NAALADL2: variants seen among roughly 807,000 people sequenced by gnomAD.
The protein encoded by NAALADL2 is N-acetylated alpha-linked acidic dipeptidase like 2, also known as inactive N-acetylated-alpha-linked acidic dipeptidase-like protein 2.
NAALADL2 carries 76 observed loss-of-function variants against 87.2 expected under a neutral mutation model. That is an observed-to-expected ratio of 0.87 (90% confidence interval 0.72 to 1.05). NAALADL2 has a LOEUF of 1.05. NAALADL2 is among the 50% of genes least tolerant of loss of function. The pLI is 0.00. For missense variants in NAALADL2, 1,089 were observed against 945.8 expected, an observed-to-expected ratio of 1.15 and a Z score of -1.99; for synonymous variants, 354 against 331.0, an observed-to-expected ratio of 1.07 and a Z score of -0.75.
At chr3:175,267,924 T>C (rs1752210227) in intron 4 of NAALADL2, among the ~76,000 whole-genome samples, 1 of 152,214 alleles carries the variant, frequency 6.6e-6, no homozygotes, top group Non-Finnish European at 1.5e-5. Context: ...AATGATAGTG[T>C]TGTCTTCATA....
intron 13 of NAALADL2, among the ~76,000 whole-genome samples, chr3:175,766,945 A>C (rs1295945069): frequency 6.6e-6 from 1 of 152,154 alleles, no homozygotes; most frequent in African/African-American, 2.4e-5. Flanking sequence ...TAGCATATTG[A>C]GATGAAACAC....
chr3:175,588,639 C>T (rs544216950), intron 10 of NAALADL2, among the ~76,000 whole-genome samples: 2 of 147,544 alleles, frequency 1.4e-5, no homozygotes, highest in Non-Finnish European at 1.5e-5. Flanking sequence ...CCTGGGTTCA[C>T]GCCATTCACC....
At chr3:175,210,917 A>C (rs1365426245) in intron 2 of NAALADL2, among the ~76,000 whole-genome samples, 1 of 151,826 alleles carries the variant, frequency 6.6e-6, no homozygotes, top group Non-Finnish European at 1.5e-5. Context: ...TTATTTATTT[A>C]TTAATTGACA....
chr3:174,668,846 A>G (rs1199369148), intron 2 of NAALADL2, among the ~76,000 whole-genome samples: 2 of 152,112 alleles, frequency 1.3e-5, no homozygotes. Context: ...GTTGGTTCCA[A>G]GTCTTTGCTA....
intron 2 of NAALADL2, among the ~76,000 whole-genome samples, chr3:175,104,799 A>C (rs1722817676): frequency 6.6e-6 from 1 of 152,190 alleles, no homozygotes; most frequent in African/African-American, 2.4e-5. Context: ...TCTCCAGATA[A>C]CAAATGTACA....
chr3:175,269,081 G>A (rs1196621786), intron 4 of NAALADL2, among the ~76,000 whole-genome samples: 2 of 151,716 alleles, frequency 1.3e-5, no homozygotes, highest in East Asian at 3.9e-4. Context: ...TAGGATTACA[G>A]ATGTGTGCCA....
intron 1 of NAALADL2, among the ~76,000 whole-genome samples, chr3:174,971,624 CT>C (rs1323527254): frequency 6.6e-6 from 1 of 151,236 alleles, no homozygotes; most frequent in Non-Finnish European, 1.5e-5. Flanking sequence ...TGTACCTTCC[CT>C]TTTTTAGGTG....
intron 4 of NAALADL2, among the ~76,000 whole-genome samples, chr3:175,286,307 C>T (rs1328434970): frequency 6.6e-6 from 1 of 152,098 alleles, no homozygotes; most frequent in East Asian, 1.9e-4. Flanking sequence ...GAGGAGGAGG[C>T]TGGCAAGGAG....
At chr3:175,346,764 C>A (rs1326822675) in intron 5 of NAALADL2, among the ~76,000 whole-genome samples, 1 of 152,112 alleles carries the variant, frequency 6.6e-6, no homozygotes, top group African/African-American at 2.4e-5. Context: ...GAGGGTTAAA[C>A]GACTTGCTGG....
At chr3:175,647,763 G>A (rs1235361965) in intron 11 of NAALADL2, among the ~76,000 whole-genome samples, 3 of 152,122 alleles carry the variant, frequency 2.0e-5, no homozygotes, top group Admixed American at 6.6e-5. Flanking sequence ...TGAGTAAGAC[G>A]AGCCTTTGCA....
chr3:174,973,641 A>G (rs1022882148), intron 1 of NAALADL2, among the ~76,000 whole-genome samples: 40 of 152,342 alleles, frequency 2.6e-4, no homozygotes, highest in Non-Finnish European at 7.3e-5. Context: ...TTGTGCAAAC[A>G]TCATAGAGTG....
chr3:174,978,481 G>T (rs1461046275), intron 1 of NAALADL2, among the ~76,000 whole-genome samples: 1 of 152,286 alleles, frequency 6.6e-6, no homozygotes, highest in Non-Finnish European at 1.5e-5. Context: ...ACAGCTAACA[G>T]AATGCCTATC....
At chr3:175,395,777 A>G (rs147940592) in intron 5 of NAALADL2, among the ~76,000 whole-genome samples, 1 of 152,310 alleles carries the variant, frequency 6.6e-6, no homozygotes, top group Non-Finnish European at 1.5e-5. Context: ...CGCTGTTTTC[A>G]AATATAACTT....
intron 3 of NAALADL2, among the ~76,000 whole-genome samples, chr3:174,797,305 C>CTTTTTTTTTTTTTTTTTTTTTTTTTTTT (rs1160338109): frequency 1.5e-4 from 11 of 72,720 alleles, no homozygotes; most frequent in African/African-American, 3.5e-4. Flanking sequence ...TTTCTTTTTT[C>CTTTTTTTTTTTTTTTTTTTTTTTTTTTT]TTTTTTTTTT....
At position 175,424,342 on chromosome 3, in the gene NAALADL2, G is replaced by A. The variant is rs190030722; in HGVS notation, c.1091-22887G>A. ...ACATGAAGTCCTTGCCTGTGCCTAT[G>A]TCCTGAATGGTATTGCCTAGGTTTT... is the stretch of plus-strand genomic sequence containing the variant. On this transcript the variant is annotated intron_variant, in intron 5 of 13. Transcript: ENST00000454872. Among the ~76,000 whole-genome samples the A allele has an allele frequency of 5.3e-4, 81 of 152,260 alleles. 1 individual carries two copies. Among genetic ancestry groups the A allele is most frequent in the Admixed American group, 9.8e-4 (15 of 15,284 alleles).
intron 5 of NAALADL2, among the ~76,000 whole-genome samples, chr3:175,438,544 C>T (rs778349397): frequency 2.6e-5 from 4 of 152,168 alleles, no homozygotes; most frequent in Middle Eastern, 3.4e-3. Context: ...CATAAAAGTG[C>T]AGCAGAAAAT....
chr3:175,158,733 A>G (rs1041956512), intron 2 of NAALADL2, among the ~76,000 whole-genome samples: 1 of 152,120 alleles, frequency 6.6e-6, no homozygotes, highest in African/African-American at 2.4e-5. Flanking sequence ...TCTGCCAAGA[A>G]AAAGGAGCAA....
At chr3:175,127,859 A>AAT (rs1232718969) in intron 2 of NAALADL2, among the ~76,000 whole-genome samples, 3 of 152,146 alleles carry the variant, frequency 2.0e-5, no homozygotes, top group African/African-American at 7.2e-5. Context: ...TCTCTACATA[A>AAT]ATAAATGAAT....
chr3:175,282,628 A>G (rs942407340), intron 4 of NAALADL2, among the ~76,000 whole-genome samples: 3 of 152,034 alleles, frequency 2.0e-5, no homozygotes, highest in Non-Finnish European at 4.4e-5. Context: ...AGGCCTAGCT[A>G]CCTTAAGGAT....
Sources: gnomAD v4.1 joint callset for allele counts (sites outside exome capture counted in the v4.1 genomes callset) on GRCh38, gnomAD v4.1.1 for gene constraint, MANE v1.5 for transcripts, NCBI Gene and HGNC (gene_info 2026-07-23, HGNC 2026-07-21) for gene names.